PCGF3: variants seen among roughly 807,000 people sequenced by gnomAD.
PCGF3 encodes polycomb group RING finger protein 3.
In PCGF3, 7 loss-of-function variants were observed where a neutral mutation model predicts 33.1. The ratio of observed to expected loss-of-function variants is 0.21; its 90% confidence interval spans 0.12 to 0.40. The LOEUF (loss-of-function observed/expected upper bound fraction) is 0.40, where lower values mean the gene tolerates loss of function less well. Ranked by LOEUF, PCGF3 falls within the 10% of genes least tolerant of loss-of-function variation. The pLI is 1.00. For missense variants in PCGF3, 211 were observed against 313.3 expected (o/e 0.67, Z 2.46); for synonymous variants, 153 against 121.3 (o/e 1.26, Z -1.72).
intron 8 of PCGF3, among the ~76,000 whole-genome samples, chr4:755,159 G>A (rs747207821): frequency 1.4e-4 from 22 of 152,256 alleles, no homozygotes; most frequent in Admixed American, 5.9e-4. Context: ...CGTTGTGTGC[G>A]TGGCACGTGT....
chr4:764,968 C>A lies in PCGF3; in HGVS notation c.601-16C>A. 1 of 1,606,870 alleles carries A rather than the reference C, an allele frequency of 6.2e-7. No homozygotes were observed. The highest frequency in any genetic ancestry group is 8.5e-7 in the Non-Finnish European group (1 of 1,173,542). ...GAGCACCTCTCCGCTGCTAATCAAA[C>A]CTCCTTATCCCCCAGCTGGACATTT... On this transcript the variant is annotated splice_polypyrimidine_tract_variant and intron_variant, in intron 9 of 10. Transcript: ENST00000362003.
chr4:757,175 T>G (rs1215867812), intron 8 of PCGF3: 2 of 131,320 alleles, frequency 1.5e-5, no homozygotes, highest in Admixed American at 1.5e-4. Context: ...TCCCCCCCAC[T>G]CCCACCCCCG....
chr4:752,446 G>T (rs745349873), intron 8 of PCGF3, among the ~76,000 whole-genome samples: 1 of 152,194 alleles, frequency 6.6e-6, no homozygotes, highest in Admixed American at 6.5e-5. Flanking sequence ...GGGAGCAGCC[G>T]GCGGGTTTCA....
At position 720,831 on chromosome 4, in the gene PCGF3, C is replaced by T. The variant is rs1577400821; in HGVS notation, c.-189-9799C>T. Among the ~76,000 whole-genome samples the T allele has an allele frequency of 6.6e-6, 1 of 152,166 alleles. No individual in the cohort carries two copies. The highest frequency in any genetic ancestry group is 2.4e-5 in the African/African-American group (1 of 41,432). ...AGAGGGTGAGGCTCGGCTCTGCTGT[C>T]AGGAGGACATGTCAGACTTCTGTCT... On this transcript the variant is annotated intron_variant, in intron 1 of 10. Transcript: ENST00000362003. The surrounding 1 kb of genome is among the most constrained non-coding windows in gnomAD (Gnocchi z 5.6).
intron 3 of PCGF3, 71 bp from the exon 4 acceptor site, chr4:733,601 G>A (rs1464254148): frequency 6.0e-6 from 9 of 1,498,298 alleles, no homozygotes; most frequent in Non-Finnish European, 7.2e-6. Flanking sequence ...GGGGGCGGCT[G>A]TCAGAGCTCA....
At chr4:767,572 T>G (rs1420874370) in exon 11 of PCGF3, 2 of 152,152 alleles carry the variant, frequency 1.3e-5, no homozygotes, top group Non-Finnish European at 2.9e-5. Context: ...TTTCGCTGTT[T>G]TCTTCTGCTT....
At chr4:758,130 G>A (rs1298326168) in intron 8 of PCGF3, among the ~76,000 whole-genome samples, 2 of 141,592 alleles carry the variant, frequency 1.4e-5, no homozygotes, top group Admixed American at 7.2e-5. Context: ...ATCGTGCCAC[G>A]GCATCCAGCC....
chr4:749,272 A>G (rs1308625844), intron 8 of PCGF3, among the ~76,000 whole-genome samples: 1 of 150,730 alleles, frequency 6.6e-6, no homozygotes, highest in African/African-American at 2.4e-5. Flanking sequence ...TCAAGCGATT[A>G]TCCTGCCTCA....
chr4:763,354 G>C (rs1162827825), intron 9 of PCGF3, among the ~76,000 whole-genome samples: 1 of 152,102 alleles, frequency 6.6e-6, no homozygotes, highest in African/African-American at 2.4e-5. Flanking sequence ...TCCCAGCGCA[G>C]GGCTGGTTCC....
At chr4:710,139 C>G (rs2109507541) in intron 1 of PCGF3, among the ~76,000 whole-genome samples, 1 of 152,290 alleles carries the variant, frequency 6.6e-6, no homozygotes, top group Middle Eastern at 3.4e-3. Context: ...AACCAACAGT[C>G]CGATGATAAC....
chr4:717,705 T>A lies in PCGF3; in HGVS notation c.-190+11735T>A, dbSNP rs1352483609. Among the ~76,000 whole-genome samples the A allele has an allele frequency of 3.9e-5, 6 of 152,314 alleles. No individual in the cohort carries two copies. In the East Asian group the frequency reaches 1.2e-3, roughly 29 times the overall value. On this transcript the variant is annotated intron_variant, in intron 1 of 10. Coordinates refer to ENST00000362003, the Ensembl canonical transcript of PCGF3. ...GTGTGCTTACTTTCAAACAAGGTAG[T>A]CTCTGCAGCATACTGAGATGACATT... is the stretch of plus-strand genomic sequence containing the variant.
intron 1 of PCGF3, among the ~76,000 whole-genome samples, chr4:710,947 A>G (rs769614645): frequency 6.6e-6 from 1 of 152,242 alleles, no homozygotes; most frequent in Non-Finnish European, 1.5e-5. Context: ...TACCAGTTAC[A>G]GTAGACCTTG....
At chr4:765,910 T>G in intron 10 of PCGF3, 122 bp from the exon 11 acceptor site, 1 of 837,924 alleles carries the variant, frequency 1.2e-6, no homozygotes. Context: ...AGGGTCTCTG[T>G]GCAGCCCTGC....
intron 3 of PCGF3, chr4:731,491 C>A (rs1163231231): frequency 2.3e-5 from 6 of 266,136 alleles, no homozygotes; most frequent in African/African-American, 1.3e-4. Flanking sequence ...GGCTATCTCT[C>A]CCCTCCCGGG....
intron 5 of PCGF3, among the ~76,000 whole-genome samples, chr4:736,850 G>A (rs56864344): frequency 5.1e-4 from 52 of 101,770 alleles, no homozygotes; most frequent in South Asian, 8.3e-4. Flanking sequence ...GTCTGCAGGG[G>A]CGGTGTCCCC....
In PCGF3 at chr4:755,904, C is replaced by CTTTTTT. The variant is rs570528684; in HGVS notation, c.463-5352_463-5347dup. The stretch of plus-strand genomic sequence containing the variant: ...CTCATTTTTCTTCTTCAGAATTGTC[C>CTTTTTT]TTTTTTTTTTTTTTTTTTTTTTTTT... On this transcript the variant is annotated intron_variant, in intron 8 of 10. Transcript: ENST00000362003. 2.8e-4 allele frequency among the ~76,000 whole-genome samples: 24 copies of CTTTTTT among 87,196 alleles called. 3 individuals carry two copies. The highest frequency in any genetic ancestry group is 9.0e-4 in the South Asian group (2 of 2,214). 57.2% of individuals were successfully genotyped at this position (87,196 alleles called of 152,430 possible).
chr4:711,118 C>T (rs909766100), intron 1 of PCGF3, among the ~76,000 whole-genome samples: 3 of 152,202 alleles, frequency 2.0e-5, no homozygotes, highest in South Asian at 2.1e-4. Flanking sequence ...CACAGGGAGC[C>T]GGACCCCATG....
At chr4:737,542 C>G (rs1432259018) in intron 6 of PCGF3, 21 bp downstream of exon 6, 1 of 1,544,504 alleles carries the variant, frequency 6.5e-7, no homozygotes, top group South Asian at 1.1e-5. Context: ...GACTGTCTTG[C>G]TGATCCCTGA....
At position 720,596 on chromosome 4, in the gene PCGF3, G is replaced by A. The variant is rs1045986665; in HGVS notation, c.-189-10034G>A. 6.6e-6 allele frequency among the ~76,000 whole-genome samples: 1 copy of A among 151,890 alleles called. No individual in the cohort carries two copies. Among genetic ancestry groups the A allele is most frequent in the Non-Finnish European group, 1.5e-5 (1 of 67,964 alleles). On this transcript the variant is annotated intron_variant, in intron 1 of 10. Coordinates refer to ENST00000362003, the Ensembl canonical transcript of PCGF3. The surrounding 1 kb of genome is among the most constrained non-coding windows in gnomAD (Gnocchi z 5.6). ...GGACCCCACGTGGACGGGCAGTGACGTGCGTGTGGACCCGGGGTGGACGGG... is the reference window on the plus strand; with the variant it reads ...GGACCCCACGTGGACGGGCAGTGACATGCGTGTGGACCCGGGGTGGACGGG...
Sources: allele counts gnomAD v4.1 joint callset (sites outside exome capture counted in the v4.1 genomes callset), GRCh38; gene constraint gnomAD v4.1.1; non-coding constraint Gnocchi (gnomAD v3.1); transcripts MANE v1.5; gene names NCBI Gene and HGNC (gene_info 2026-07-23, HGNC 2026-07-21).